Variants in FOXK1 observed in about 807,000 individuals in gnomAD.
FOXK1 encodes forkhead box K1, also known as forkhead box protein K1.
FOXK1 carries 19 observed loss-of-function variants against 51.9 expected under a neutral mutation model. The ratio of observed to expected loss-of-function variants is 0.37; its 90% confidence interval spans 0.26 to 0.54. FOXK1 has a LOEUF of 0.54. Among genes scored for constraint, FOXK1 ranks in the 20% least tolerant of loss-of-function variants. FOXK1 has a pLI of 0.87. For missense variants in FOXK1, 870 were observed against 1,032.7 expected (o/e 0.84, Z 2.16); for synonymous variants, 537 against 482.6 (o/e 1.11, Z -1.48).
At chr7:4,701,843 A>G (rs1780024585) in intron 1 of FOXK1, among the ~76,000 whole-genome samples, 1 of 152,248 alleles carries the variant, frequency 6.6e-6, no homozygotes, top group Non-Finnish European at 1.5e-5. Flanking sequence ...CAGTGAGCGG[A>G]GATCGCGCCA....
intron 1 of FOXK1, among the ~76,000 whole-genome samples, chr7:4,725,197 G>A (rs1254055052): frequency 1.3e-5 from 2 of 152,246 alleles, no homozygotes; most frequent in South Asian, 4.1e-4. Flanking sequence ...CTGCGAGTTG[G>A]GGTCGCGGGG....
At chr7:4,754,300 G>A (rs1353634755) in intron 2 of FOXK1, among the ~76,000 whole-genome samples, 159 bp from the exon 3 acceptor site, 1 of 152,218 alleles carries the variant, frequency 6.6e-6, no homozygotes, top group African/African-American at 2.4e-5. Context: ...TGTCCCCGCC[G>A]CTGCGTGACC....
rs1240455998 is a variant in FOXK1 at position 4,735,374 on chromosome 7, C to G, written c.561-5464C>G. The stretch of plus-strand genomic sequence containing the variant: ...CTTGCCTGAGATCGACTGCACATAC[C>G]TTACAACTAACCCTTTCCATTGTTC... On this transcript the variant is annotated intron_variant, in intron 1 of 8. Transcript: ENST00000328914. This position sits in a 1 kb window ranked among gnomAD's most constrained non-coding sequence, Gnocchi z 4.7. 6.6e-6 allele frequency among the ~76,000 whole-genome samples: 1 copy of G among 152,206 alleles called. No individual in the cohort carries two copies. Among genetic ancestry groups the G allele is most frequent in the Non-Finnish European group, 1.5e-5 (1 of 68,034 alleles).
rs761577677 is a variant in FOXK1, at chr7:4,682,779, C to T, written c.471C>T (p.His157=). 5 of 1,594,214 alleles carry T rather than the reference C, an allele frequency of 3.1e-6. No individual in the cohort carries two copies. The highest frequency in any genetic ancestry group is 4.3e-6 in the Non-Finnish European group (5 of 1,176,270). The part of the protein sequence containing the change: ...RHLQLSFQEP[H]FYLRCLGKNG... The stretch of plus-strand genomic sequence containing the variant: ...TGCAGCTCAGCTTCCAGGAGCCGCA[C>T]TTCTACCTGCGCTGCCTCGGCAAGA... Residue 157 remains histidine, a synonymous_variant, in exon 1 of 9, where the codon CAC becomes CAT. Transcript: ENST00000328914. The surrounding 1 kb of genome is among the most constrained non-coding windows in gnomAD (Gnocchi z 7.6).
intron 1 of FOXK1, among the ~76,000 whole-genome samples, chr7:4,689,233 C>T (rs541878878): frequency 4.6e-5 from 7 of 152,272 alleles, no homozygotes; most frequent in South Asian, 2.1e-4. Flanking sequence ...CCACCTCAGC[C>T]TCCCAGAGTG....
At position 4,730,384 on chromosome 7, in the gene FOXK1, C is replaced by T. The variant is rs943544920; in HGVS notation, c.561-10454C>T. 6.6e-6 allele frequency among the ~76,000 whole-genome samples: 1 copy of T among 152,148 alleles called. No homozygotes were observed. Among genetic ancestry groups the T allele is most frequent in the Non-Finnish European group, 1.5e-5 (1 of 68,028 alleles). On this transcript the variant is annotated intron_variant, in intron 1 of 8. Transcript: ENST00000328914. The surrounding 1 kb of genome is among the most constrained non-coding windows in gnomAD (Gnocchi z 4.7). The stretch of plus-strand genomic sequence containing the variant: ...TACCCAGCTTGCCACCGCTGTCAGC[C>T]GTGGGGTTCAGGAGAACAGGGTTGT...
rs1414648471 is a variant in FOXK1, at chr7:4,755,084, A to C, written c.904-153A>C. 3 of 866,458 alleles carry C rather than the reference A, an allele frequency of 3.5e-6. No homozygotes were observed. Among genetic ancestry groups the C allele is most frequent in the Non-Finnish European group, 5.1e-6 (3 of 587,688 alleles). 53.7% of individuals were successfully genotyped at this position (866,458 alleles called of 1,614,324 possible). On this transcript the variant is annotated intron_variant, in intron 3 of 8. Transcript: ENST00000328914. This position sits in a 1 kb window ranked among gnomAD's most constrained non-coding sequence, Gnocchi z 6.6. Reference sequence around the variant, plus strand: ...TGGTTGTTCCTAGTTGAATGCAAGCACATTAATGGGATAGTTGGAGGGCAC... The same window carrying C: ...TGGTTGTTCCTAGTTGAATGCAAGCCCATTAATGGGATAGTTGGAGGGCAC...
Position 4,767,755 on chromosome 7 carries a change from C to G in FOXK1, c.*5291C>G, listed in dbSNP as rs1323990646. The G allele has an allele frequency of 6.6e-6, 1 of 152,166 alleles. No homozygotes were observed. The highest frequency in any genetic ancestry group is 1.5e-5 in the Non-Finnish European group (1 of 68,048). 9.4% of individuals were successfully genotyped at this position (152,166 alleles called of 1,614,324 possible). A position where few individuals can be genotyped will look rare whatever the true frequency, so the allele number is the denominator to read the frequency against. The stretch of plus-strand genomic sequence containing the variant: ...TCAGTGCTCAGGACACGGTTTTCAT[C>G]ACATACTTACTGTTTTTTTGGTTGG... On this transcript the variant is annotated 3_prime_UTR_variant, in exon 9 of 9. Transcript: ENST00000328914. The surrounding 1 kb of genome is among the most constrained non-coding windows in gnomAD (Gnocchi z 6.6).
At chr7:4,702,928 G>T (rs1780038325) in intron 1 of FOXK1, among the ~76,000 whole-genome samples, 1 of 152,294 alleles carries the variant, frequency 6.6e-6, no homozygotes, top group African/African-American at 2.4e-5. Flanking sequence ...GCCCTACCCA[G>T]CTCGGGTTCT....
Position 4,715,943 on chromosome 7 carries a change from A to T in FOXK1, c.561-24895A>T, listed in dbSNP as rs1432892923. On this transcript the variant is annotated intron_variant, in intron 1 of 8. Coordinates refer to ENST00000328914, the MANE Select transcript of FOXK1 (RefSeq NM_001037165.2). The surrounding 1 kb of genome is among the most constrained non-coding windows in gnomAD (Gnocchi z 4.5). The stretch of plus-strand genomic sequence containing the variant: ...TCTGTGCTTAAAGGATCAAAAATGC[A>T]GACCTCAGTCAGGCGCAGTGGTTCA... Among the ~76,000 whole-genome samples, 1 of 152,244 alleles carries T rather than the reference A, an allele frequency of 6.6e-6. No individual in the cohort carries two copies. The highest frequency in any genetic ancestry group is 1.5e-5 in the Non-Finnish European group (1 of 68,050).
At chr7:4,727,357 C>G (rs970085372) in intron 1 of FOXK1, among the ~76,000 whole-genome samples, 1 of 151,974 alleles carries the variant, frequency 6.6e-6, no homozygotes, top group Non-Finnish European at 1.5e-5. Flanking sequence ...ACTCTGTTAC[C>G]CAGCCTGGAG....
chr7:4,718,858 G>T (rs1348644575), intron 1 of FOXK1, among the ~76,000 whole-genome samples: 1 of 152,198 alleles, frequency 6.6e-6, no homozygotes, highest in Admixed American at 6.5e-5. Flanking sequence ...CACCCAGGCT[G>T]GAGTGCAGTG....
chr7:4,717,917 G>A (rs1780256802), intron 1 of FOXK1, among the ~76,000 whole-genome samples: 2 of 152,152 alleles, frequency 1.3e-5, no homozygotes, highest in Non-Finnish European at 2.9e-5. Flanking sequence ...AAAAGTGGGA[G>A]AATATTAAGC....
rs754961984 is a variant in FOXK1 at position 4,756,970 on chromosome 7, G to T, written c.1051-24G>T. 5 of 1,609,042 alleles carry T rather than the reference G, an allele frequency of 3.1e-6. No homozygotes were observed. In the Admixed American group the frequency reaches 8.4e-5, roughly 27 times the overall value. On this transcript the variant is annotated intron_variant, in intron 4 of 8. Transcript: ENST00000328914. The surrounding 1 kb of genome is among the most constrained non-coding windows in gnomAD (Gnocchi z 4.1). ...TCATTTTCTGATTTGCTGGTGATGG[G>T]TGAATATCTCTGCTTCCCTGCAGAA... is the stretch of plus-strand genomic sequence containing the variant.
chr7:4,712,025 T>G (rs1187270096), intron 1 of FOXK1, among the ~76,000 whole-genome samples: 1 of 150,818 alleles, frequency 6.6e-6, no homozygotes, highest in Non-Finnish European at 1.5e-5. Context: ...AAGTTCAGAT[T>G]CTTTGATATT....
At chr7:4,719,847 C>T (rs558149028) in intron 1 of FOXK1, among the ~76,000 whole-genome samples, 49 of 152,242 alleles carry the variant, frequency 3.2e-4, no homozygotes, top group African/African-American at 1.0e-3. Context: ...AATACCTCCT[C>T]GTGTGTTTTG....
intron 1 of FOXK1, among the ~76,000 whole-genome samples, chr7:4,727,798 A>C (rs764522187): frequency 5.9e-5 from 9 of 152,282 alleles, no homozygotes; most frequent in Non-Finnish European, 1.2e-4. Flanking sequence ...TTACCAGAGT[A>C]AACGAGATTA....
intron 1 of FOXK1, among the ~76,000 whole-genome samples, chr7:4,725,400 G>A (rs1780367103): frequency 6.6e-6 from 1 of 152,156 alleles, no homozygotes; most frequent in Admixed American, 6.5e-5. Context: ...TTTTTTCACT[G>A]CTGTTGCCCA....
chr7:4,736,147 T>G (rs1019839121), intron 1 of FOXK1, among the ~76,000 whole-genome samples: 1 of 152,186 alleles, frequency 6.6e-6, no homozygotes, highest in African/African-American at 2.4e-5. Flanking sequence ...AGACTCTGTT[T>G]CAAAAAATAA....
Sources: gnomAD v4.1 joint callset for allele counts (sites outside exome capture counted in the v4.1 genomes callset) on GRCh38, gnomAD v4.1.1 for gene constraint, Gnocchi (gnomAD v3.1) non-coding constraint, MANE v1.5 for transcripts, NCBI Gene and HGNC (gene_info 2026-07-23, HGNC 2026-07-21) for gene names.